The following ABCA13 variants were observed in gnomAD, a reference collection of about 807,000 sequenced individuals.
ABCA13 encodes ATP binding cassette subfamily A member 13, also known as ATP-binding cassette sub-family A member 13.
ABCA13 carries 476 observed loss-of-function variants against 478.7 expected under a neutral mutation model. That is an observed-to-expected ratio of 0.99 (90% CI 0.92 to 1.07). ABCA13 has a LOEUF of 1.07. Among genes scored for constraint, ABCA13 ranks in the 50% least tolerant of loss-of-function variants. The pLI is 0.00. For synonymous variants in ABCA13, 2,252 were observed against 2,158.9 expected, an observed-to-expected ratio of 1.04 and a Z score of -1.20; for missense variants, 6,060 against 5,910.6, an observed-to-expected ratio of 1.03 and a Z score of -0.83.
Position 48,313,224 on chromosome 7 carries a change from T to G in ABCA13, c.9674T>G (p.Phe3225Cys), listed in dbSNP as rs1348859086. 1 of 1,609,604 alleles carries G rather than the reference T, an allele frequency of 6.2e-7. No homozygotes were observed. ...ACTGCCTTGCTAGAAACCCTGGACT[T>G]TCAACAGGTGTGTGTTTCATCTTTG... ...KITALLETLD[F>C]QQVSQNVQAR... is the part of the protein sequence containing the mutation. Residue 3225 changes from phenylalanine to cysteine, a missense_variant, in exon 25 of 62, where the codon TTT (phenylalanine) becomes TGT (cysteine). Coordinates refer to ENST00000435803, the MANE Select transcript of ABCA13 (RefSeq NM_152701.5).
At chr7:48,354,821 G>T (rs1368272670) in intron 31 of ABCA13, among the ~76,000 whole-genome samples, 1 of 151,976 alleles carries the variant, frequency 6.6e-6, no homozygotes, top group Admixed American at 6.5e-5. Flanking sequence ...TTGAAACACA[G>T]TCTGAGATCT....
intron 29 of ABCA13, among the ~76,000 whole-genome samples, chr7:48,341,879 GAT>G (rs375857680): frequency 0.1 from 3,052 of 29,574 alleles, 111 homozygotes; most frequent in South Asian, 0.23. Flanking sequence ...ATATCTTTCT[GAT>G]ATATATATAT....
At chr7:48,453,690 C>A (rs548687735) in intron 42 of ABCA13, among the ~76,000 whole-genome samples, 7 of 152,306 alleles carry the variant, frequency 4.6e-5, no homozygotes, top group African/African-American at 1.4e-4. Context: ...TCTACCTGAA[C>A]GTCCGGGCCG....
At chr7:48,382,622 G>A (rs1423506096) in intron 35 of ABCA13, among the ~76,000 whole-genome samples, 1 of 152,172 alleles carries the variant, frequency 6.6e-6, no homozygotes, top group Non-Finnish European at 1.5e-5. Flanking sequence ...TCCTGTGTTT[G>A]TATTTTCTGA....
At chr7:48,383,123 C>A (rs1338681242) in intron 35 of ABCA13, among the ~76,000 whole-genome samples, 1 of 152,184 alleles carries the variant, frequency 6.6e-6, no homozygotes, top group Non-Finnish European at 1.5e-5. Context: ...GCATCTCCCA[C>A]AGTAAATCAG....
intron 59 of ABCA13, among the ~76,000 whole-genome samples, chr7:48,627,733 C>G (rs1793792425): frequency 6.6e-6 from 1 of 152,080 alleles, no homozygotes; most frequent in Non-Finnish European, 1.5e-5. Context: ...ATTCTGGAGG[C>G]TAGGAAGTCC....
intron 31 of ABCA13, among the ~76,000 whole-genome samples, chr7:48,358,244 GGGGAGGGGA>G (rs1810271743): frequency 1.7e-5 from 2 of 120,298 alleles, no homozygotes; most frequent in Non-Finnish European, 3.5e-5. Flanking sequence ...GGGGAGGGGA[GGGGAGGGGA>G]GGGGAGGGGA....
intron 38 of ABCA13, among the ~76,000 whole-genome samples, chr7:48,396,989 G>A (rs138101051): frequency 0.026 from 3,975 of 152,296 alleles, 62 homozygotes; most frequent in Non-Finnish European, 0.037. Context: ...CACAAACACA[G>A]AATACGGTAG....
At chr7:48,628,263 G>C (rs1793851276) in intron 59 of ABCA13, among the ~76,000 whole-genome samples, 1 of 151,878 alleles carries the variant, frequency 6.6e-6, no homozygotes, top group South Asian at 2.1e-4. Context: ...GAATAAGACT[G>C]TTTTCCAGCT....
intron 1 of ABCA13, among the ~76,000 whole-genome samples, chr7:48,175,056 G>A (rs1435365768): frequency 6.6e-6 from 1 of 152,218 alleles, no homozygotes; most frequent in Non-Finnish European, 1.5e-5. Context: ...GTGGAGATCA[G>A]TTGACAATGT....
At position 48,506,081 on chromosome 7, in the gene ABCA13, T is replaced by C. The variant is rs538866984; in HGVS notation, c.13292-255T>C. On this transcript the variant is annotated intron_variant, in intron 48 of 61. Coordinates refer to ENST00000435803, the MANE Select transcript of ABCA13 (RefSeq NM_152701.5). ...AATAAAACATGAGAACCTATGAACA[T>C]AGGGCCTGTCATGTAAAGCATGAAC... 1.3e-3 allele frequency among the ~76,000 whole-genome samples: 198 copies of C among 152,332 alleles called. 2 individuals carry two copies. The highest frequency in any genetic ancestry group is 4.5e-3 in the African/African-American group (189 of 41,578).
In ABCA13 at chr7:48,324,733, G is replaced by A. The variant is rs192037657; in HGVS notation, c.9999+7437G>A. ...CATCTCTCAGCAGCCACCTGTCCTC[G>A]GGACCTATATGAATTCCCCACTGAA... On this transcript the variant is annotated intron_variant, in intron 27 of 61. Transcript: ENST00000435803. Among the ~76,000 whole-genome samples, 55 of 152,254 alleles carry A rather than the reference G, an allele frequency of 3.6e-4. 1 individual carries two copies. In the East Asian group the frequency reaches 7.2e-3, roughly 20 times the overall value.
intron 16 of ABCA13, among the ~76,000 whole-genome samples, chr7:48,270,381 G>A (rs981544450): frequency 6.8e-6 from 1 of 147,038 alleles, no homozygotes; most frequent in Non-Finnish European, 1.5e-5. Flanking sequence ...ATATAAAAAC[G>A]TGGCAATAAT....
At chr7:48,479,247 C>T (rs1289401490) in intron 45 of ABCA13, among the ~76,000 whole-genome samples, 2 of 142,296 alleles carry the variant, frequency 1.4e-5, no homozygotes, top group East Asian at 4.3e-4. Flanking sequence ...TTTCCTTTTT[C>T]CTTTTTTTGA....
At chr7:48,304,817 C>T (rs1800666592) in intron 23 of ABCA13, among the ~76,000 whole-genome samples, 4 of 152,240 alleles carry the variant, frequency 2.6e-5, no homozygotes, top group South Asian at 2.1e-4. Context: ...GCCTGCCTTA[C>T]TGGGCAAGGA....
chr7:48,190,150 A>AT (rs1796901475), intron 1 of ABCA13, among the ~76,000 whole-genome samples: 3 of 152,178 alleles, frequency 2.0e-5, no homozygotes, highest in Admixed American at 2.0e-4. Flanking sequence ...TAATGAGGGC[A>AT]TTTTCACTAC....
At chr7:48,595,463 A>T (rs1790183717) in intron 58 of ABCA13, among the ~76,000 whole-genome samples, 1 of 152,236 alleles carries the variant, frequency 6.6e-6, no homozygotes, top group Non-Finnish European at 1.5e-5. Flanking sequence ...AGTAAAATAT[A>T]CTGTGAATAA....
At chr7:48,525,790 A>G (rs953480132) in intron 54 of ABCA13, among the ~76,000 whole-genome samples, 2 of 149,974 alleles carry the variant, frequency 1.3e-5, no homozygotes, top group East Asian at 2.0e-4. Flanking sequence ...GGTTTGTTAC[A>G]TAGTTGTAAA....
In ABCA13 at chr7:48,611,155, G is replaced by C. The variant is rs571069424; in HGVS notation, c.14745-4130G>C. On this transcript the variant is annotated intron_variant, in intron 58 of 61. Coordinates refer to ENST00000435803, the MANE Select transcript of ABCA13 (RefSeq NM_152701.5). ...AATTTTAATTTCAGATCATGTCTTC[G>C]CTCATGCATAACAAAACTGAACTAT... Among the ~76,000 whole-genome samples the C allele has an allele frequency of 6.6e-5, 10 of 152,036 alleles. No individual in the cohort carries two copies. The South Asian group carries it at 2.1e-3, about 32-fold the overall frequency.
Sources: allele counts gnomAD v4.1 joint callset (sites outside exome capture counted in the v4.1 genomes callset), GRCh38; gene constraint gnomAD v4.1.1; transcripts MANE v1.5; gene names NCBI Gene and HGNC (gene_info 2026-07-23, HGNC 2026-07-21).